Variants in NRG3 observed in about 807,000 individuals in gnomAD.
The protein encoded by NRG3 is neuregulin 3, also known as pro-neuregulin-3, membrane-bound isoform.
NRG3 carries 31 observed loss-of-function variants against 66.9 expected under a neutral mutation model. The ratio of observed to expected loss-of-function variants is 0.46; its 90% confidence interval spans 0.35 to 0.63. NRG3 has a LOEUF of 0.63. Among genes scored for constraint, NRG3 ranks in the 20% least tolerant of loss-of-function variants. The pLI, the probability that NRG3 is intolerant of heterozygous loss-of-function variation, is 0.00. For missense variants in NRG3, 910 were observed against 878.9 expected, an observed-to-expected ratio of 1.04 and a Z score of -0.45; for synonymous variants, 393 against 359.4, an observed-to-expected ratio of 1.09 and a Z score of -1.06.
At chr10:82,023,674 A>G (rs1317983755) in intron 1 of NRG3, among the ~76,000 whole-genome samples, 2 of 152,016 alleles carry the variant, frequency 1.3e-5, no homozygotes, top group Non-Finnish European at 2.9e-5. Context: ...CTTAGGTTGA[A>G]CCATCCTTGT....
intron 1 of NRG3, among the ~76,000 whole-genome samples, chr10:82,343,330 G>A (rs187525331): frequency 6.6e-6 from 1 of 151,848 alleles, no homozygotes; most frequent in Non-Finnish European, 1.5e-5. Flanking sequence ...AAAATACATA[G>A]GCATACATTT....
intron 1 of NRG3, among the ~76,000 whole-genome samples, chr10:82,113,469 G>A (rs532272832): frequency 6.6e-5 from 10 of 152,254 alleles, no homozygotes; most frequent in East Asian, 1.9e-4. Context: ...AGATGCAACC[G>A]TGTGATACTG....
At chr10:82,014,560 A>G (rs1011053474) in intron 1 of NRG3, among the ~76,000 whole-genome samples, 2 of 152,184 alleles carry the variant, frequency 1.3e-5, no homozygotes, top group Non-Finnish European at 2.9e-5. Context: ...TATAAGCCCT[A>G]TGGATCACAG....
intron 1 of NRG3, among the ~76,000 whole-genome samples, chr10:82,044,503 T>C (rs4497345): frequency 0.89 from 135,011 of 151,998 alleles, 61,085 homozygotes; most frequent in South Asian, 0.99. Context: ...CAACACCACA[T>C]AGACAGCGAC....
chr10:82,349,662 A>G (rs11193877), intron 1 of NRG3, among the ~76,000 whole-genome samples: 57,615 of 150,520 alleles, frequency 0.38, 16,149 homozygotes, highest in African/African-American at 0.78. Context: ...CCCTCCCCCA[A>G]CCTCGCTGCC....
chr10:82,921,583 A>G (rs538267789), intron 4 of NRG3, among the ~76,000 whole-genome samples: 1 of 152,338 alleles, frequency 6.6e-6, no homozygotes, highest in South Asian at 2.1e-4. Flanking sequence ...CTGTGAGCCT[A>G]AAACTATTCT....
intron 1 of NRG3, among the ~76,000 whole-genome samples, chr10:82,146,254 T>G (rs2070245563): frequency 6.6e-6 from 1 of 152,198 alleles, no homozygotes; most frequent in Non-Finnish European, 1.5e-5. Context: ...ACAGCTAAAC[T>G]TAGATTGTTT....
chr10:82,688,239 G>C (rs530237430), intron 2 of NRG3, among the ~76,000 whole-genome samples: 1 of 152,062 alleles, frequency 6.6e-6, no homozygotes, highest in Non-Finnish European at 1.5e-5. Flanking sequence ...TTACCACAAC[G>C]TATTATATTT....
At chr10:82,327,077 C>T (rs1236072878) in intron 1 of NRG3, among the ~76,000 whole-genome samples, 1 of 152,076 alleles carries the variant, frequency 6.6e-6, no homozygotes. Flanking sequence ...GGAAGAATGA[C>T]CCTGGGCTGA....
intron 1 of NRG3, among the ~76,000 whole-genome samples, chr10:82,035,764 T>G (rs529355388): frequency 6.6e-6 from 1 of 152,260 alleles, no homozygotes; most frequent in African/African-American, 2.4e-5. Flanking sequence ...AATACTCTGC[T>G]TAAGAATAAT....
chr10:82,433,483 T>C (rs1054959955), intron 2 of NRG3, among the ~76,000 whole-genome samples: 2 of 152,236 alleles, frequency 1.3e-5, no homozygotes, highest in Non-Finnish European at 2.9e-5. Flanking sequence ...ATCCCATTTG[T>C]CAATTTTGGC....
At chr10:82,185,121 G>C (rs2133273415) in intron 1 of NRG3, among the ~76,000 whole-genome samples, 1 of 152,160 alleles carries the variant, frequency 6.6e-6, no homozygotes. Context: ...GCTAGCCCTG[G>C]GAGATCCAGA....
intron 2 of NRG3, among the ~76,000 whole-genome samples, chr10:82,685,464 G>A (rs2054442837): frequency 6.6e-6 from 1 of 152,212 alleles, no homozygotes; most frequent in South Asian, 2.1e-4. Flanking sequence ...GTGATACAAA[G>A]ACTGGAAGTT....
chr10:82,562,931 T>G (rs777046517), intron 2 of NRG3, among the ~76,000 whole-genome samples: 6 of 152,080 alleles, frequency 3.9e-5, no homozygotes, highest in Non-Finnish European at 8.8e-5. Flanking sequence ...TGGCCAGATA[T>G]TAGTCACAAG....
chr10:82,778,809 G>C (rs1307431857), intron 3 of NRG3, among the ~76,000 whole-genome samples: 1 of 152,076 alleles, frequency 6.6e-6, no homozygotes, highest in East Asian at 1.9e-4. Flanking sequence ...CCGAGGAGTG[G>C]GGCAGCTGGT....
At chr10:82,950,868 G>A (rs1475555373) in intron 4 of NRG3, among the ~76,000 whole-genome samples, 1 of 152,210 alleles carries the variant, frequency 6.6e-6, no homozygotes, top group African/African-American at 2.4e-5. Flanking sequence ...AAGCTACAAG[G>A]TATGACCTTG....
At chr10:82,580,775 C>G (rs2046313529) in intron 2 of NRG3, among the ~76,000 whole-genome samples, 1 of 151,566 alleles carries the variant, frequency 6.6e-6, no homozygotes, top group Admixed American at 6.6e-5. Context: ...ATGGATGTAC[C>G]ATAGATTGTT....
At chr10:82,649,713 C>T (rs1201078003) in intron 2 of NRG3, among the ~76,000 whole-genome samples, 5 of 151,876 alleles carry the variant, frequency 3.3e-5, no homozygotes, top group Non-Finnish European at 7.4e-5. Flanking sequence ...TTCAGCCTCC[C>T]AAAGTGCTGG....
chr10:82,652,613 G>A (rs2051512877), intron 2 of NRG3, among the ~76,000 whole-genome samples: 1 of 152,156 alleles, frequency 6.6e-6, no homozygotes, highest in African/African-American at 2.4e-5. Context: ...TATAGGCAGA[G>A]GATGTCAGGT....
Sources: gnomAD v4.1 joint callset for allele counts (sites outside exome capture counted in the v4.1 genomes callset) on GRCh38, gnomAD v4.1.1 for gene constraint, MANE v1.5 for transcripts, NCBI Gene and HGNC (gene_info 2026-07-23, HGNC 2026-07-21) for gene names.